Variants in GPR161 observed in about 807,000 individuals in gnomAD.
GPR161 encodes G-protein coupled receptor RE2.
GPR161 carries 25 observed loss-of-function variants against 39.2 expected under a neutral mutation model. The observed-to-expected ratio is 0.64, with a 90% CI of 0.47 to 0.89. GPR161 has a LOEUF of 0.89. Among genes scored for constraint, GPR161 ranks in the 40% least tolerant of loss-of-function variants. The probability of loss-of-function intolerance (pLI) is 0.00; values close to 1 mark genes in which losing one functional copy is unlikely to be tolerated. For missense variants in GPR161, 547 were observed against 677.8 expected (o/e 0.81, Z 2.14); for synonymous variants, 286 against 276.6 (o/e 1.03, Z -0.34).
chr1:168,133,263 T>G (rs12072672), intron 1 of GPR161, among the ~76,000 whole-genome samples: 11,863 of 148,980 alleles, frequency 0.08, 760 homozygotes, highest in African/African-American at 0.19. Flanking sequence ...AATAATTCAG[T>G]CTCTTTTTCT....
Position 168,090,593 on chromosome 1 carries a change from TC to T in GPR161, c.1174del (p.Asp392ThrfsTer14), listed in dbSNP as rs779928968. 56 of 1,608,726 alleles carry T rather than the reference TC, an allele frequency of 3.5e-5. No individual in the cohort carries two copies. Among genetic ancestry groups the T allele is most frequent in the Non-Finnish European group, 4.7e-5 (55 of 1,175,720 alleles). On this transcript the variant is annotated frameshift_variant, in exon 4 of 6. Transcript: ENST00000682931. LOFTEE classifies it high-confidence loss of function. ...QPLGHSSSTG[D>X]TGFSCSQDSG... is the part of the protein sequence containing the mutation. ...GTCCTGGGAGCAGCTGAAGCCAGTG[TC>T]CCCCGTGCTGCTGCTGTGCCCCAGG...
chr1:168,123,811 C>G (rs1209240168), intron 1 of GPR161, among the ~76,000 whole-genome samples: 1 of 152,188 alleles, frequency 6.6e-6, no homozygotes, highest in African/African-American at 2.4e-5. Flanking sequence ...TAAGGTGAAG[C>G]TGGGTCACAA....
chr1:168,092,859 G>C (rs887230706), intron 3 of GPR161, among the ~76,000 whole-genome samples: 5 of 152,176 alleles, frequency 3.3e-5, no homozygotes, highest in African/African-American at 1.2e-4. Context: ...GTCCTTCGCA[G>C]GAGATAACGG....
At chr1:168,137,096 C>T (rs1332403433), upstream of GPR161, 3 of 1,096,152 alleles carry the variant, frequency 2.7e-6, no homozygotes, top group Non-Finnish European at 3.3e-6. Flanking sequence ...TCCGCCCGCC[C>T]TCCCGGCTGC....
Position 168,136,157 on chromosome 1 carries a change from C to T in GPR161, c.-45+582G>A, listed in dbSNP as rs1699344656. 3.2e-6 allele frequency: 4 copies of T among 1,269,470 alleles called. No homozygotes were observed. In the South Asian group the frequency reaches 8.0e-5, roughly 25 times the overall value. 78.6% of individuals were successfully genotyped at this position (1,269,470 alleles called of 1,614,324 possible). On this transcript the variant is annotated intron_variant, in intron 1 of 5. Transcript: ENST00000682931. ...CCGCAGATCTGAGGGGCAGAGCCGC[C>T]CATCCGGCGGCGCCGGGCCACTTCT... is the stretch of plus-strand genomic sequence containing the variant.
rs115426920 is a variant in GPR161, at chr1:168,087,414, G to C, written c.1324+171C>G. On this transcript the variant is annotated intron_variant, in intron 5 of 5. Coordinates refer to ENST00000682931, the MANE Select transcript of GPR161 (RefSeq NM_001375883.1). Reference sequence around the variant, plus strand: ...TCGATGCTGCTTGCTCTGAGAACTGGGTGCCTAAGGACTCAGGTGAGACCA... The same window carrying C: ...TCGATGCTGCTTGCTCTGAGAACTGCGTGCCTAAGGACTCAGGTGAGACCA... Among the ~76,000 whole-genome samples, 243 of 152,162 alleles carry C rather than the reference G, an allele frequency of 1.6e-3. 1 individual carries two copies. The highest frequency in any genetic ancestry group is 5.6e-3 in the African/African-American group (233 of 41,500).
chr1:168,086,333 C>T (rs1572232838), intron 5 of GPR161, among the ~76,000 whole-genome samples: 1 of 152,198 alleles, frequency 6.6e-6, no homozygotes, highest in African/African-American at 2.4e-5. Context: ...GGATTAGGAG[C>T]CCTAAACTAA....
intron 1 of GPR161, among the ~76,000 whole-genome samples, chr1:168,114,860 T>G (rs1697495402): frequency 6.6e-6 from 1 of 152,200 alleles, no homozygotes; most frequent in Admixed American, 6.5e-5. Flanking sequence ...CTTTTTAAAT[T>G]TTTAGGCCAT....
chr1:168,135,950 C>A, intron 1 of GPR161: 1 of 877,636 alleles, frequency 1.1e-6, no homozygotes, highest in Non-Finnish European at 1.5e-6. Context: ...GATGCCAATG[C>A]GCAGCTATGT....
chr1:168,101,595 G>A (rs750379424), intron 2 of GPR161, among the ~76,000 whole-genome samples: 4 of 152,160 alleles, frequency 2.6e-5, no homozygotes, highest in African/African-American at 4.8e-5. Context: ...TCCCAGCCAC[G>A]TGACCTTGGG....
chr1:168,104,941 T>C (rs1696464182), intron 1 of GPR161, 47 bp from the exon 2 acceptor site: 2 of 1,430,500 alleles, frequency 1.4e-6, no homozygotes, highest in East Asian at 4.6e-5. Flanking sequence ...ATTCATCAAA[T>C]CACATCGTCT....
chr1:168,099,258 G>C (rs544309807), intron 2 of GPR161, among the ~76,000 whole-genome samples: 16 of 152,328 alleles, frequency 1.1e-4, no homozygotes, highest in African/African-American at 3.6e-4. Context: ...CGTCATTCTG[G>C]CAAATGAAAT....
Position 168,108,291 on chromosome 1 carries a change from C to A in GPR161, c.-44-3397G>T, listed in dbSNP as rs541127848. ...GGGATCTACCCCACAACAAAAACAC[C>A]TCCCACCAGGCCCCACCTCCAACAC... is the stretch of plus-strand genomic sequence containing the variant. On this transcript the variant is annotated intron_variant, in intron 1 of 5. Coordinates refer to ENST00000682931, the MANE Select transcript of GPR161 (RefSeq NM_001375883.1). Among the ~76,000 whole-genome samples, 10 of 151,916 alleles carry A rather than the reference C, an allele frequency of 6.6e-5. No individual in the cohort carries two copies. The South Asian group carries it at 2.1e-3, about 32-fold the overall frequency.
intron 1 of GPR161, among the ~76,000 whole-genome samples, chr1:168,118,121 C>A (rs181103541): frequency 6.9e-4 from 105 of 152,200 alleles, no homozygotes; most frequent in East Asian, 5.8e-4. Flanking sequence ...CAACAGAAAA[C>A]AAAATAGACA....
intron 1 of GPR161, chr1:168,136,327 G>A: frequency 6.7e-7 from 1 of 1,485,416 alleles, no homozygotes; most frequent in African/African-American, 1.4e-5. Context: ...AGCGGGACGT[G>A]GAGTCTCTTG....
chr1:168,134,255 A>T (rs1423868899), intron 1 of GPR161, among the ~76,000 whole-genome samples: 1 of 152,210 alleles, frequency 6.6e-6, no homozygotes, highest in Non-Finnish European at 1.5e-5. Flanking sequence ...GCCAACTGCA[A>T]ATTCCTTCCT....
intron 1 of GPR161, among the ~76,000 whole-genome samples, chr1:168,127,012 C>T (rs1698641224): frequency 1.3e-5 from 2 of 152,040 alleles, no homozygotes; most frequent in African/African-American, 4.8e-5. Flanking sequence ...CTCAATTTCT[C>T]CTAAGACAAA....
In GPR161 at chr1:168,085,014, C is replaced by T. The variant is rs1394907874; in HGVS notation, c.*517G>A. The T allele has an allele frequency of 2.2e-6, 1 of 456,348 alleles. No individual in the cohort carries two copies. The highest frequency in any genetic ancestry group is 4.4e-6 in the Non-Finnish European group (1 of 227,060). The allele number at this position is 456,348 out of a possible 1,614,324, so 28.3% of individuals were successfully genotyped here. ...CAGTCCTAGAACTGAGGGTCCCACA[C>T]TGCCCGCATCAACCATGTAGAGGCA... is the stretch of plus-strand genomic sequence containing the variant. On this transcript the variant is annotated 3_prime_UTR_variant, in exon 6 of 6. Transcript: ENST00000682931.
chr1:168,118,434 G>C (rs924095033), intron 1 of GPR161, among the ~76,000 whole-genome samples: 1 of 151,792 alleles, frequency 6.6e-6, no homozygotes, highest in African/African-American at 2.4e-5. Flanking sequence ...GGTGTAGAGT[G>C]GTAGACAATG....
Sources: gnomAD v4.1 joint callset for allele counts (sites outside exome capture counted in the v4.1 genomes callset) on GRCh38, gnomAD v4.1.1 for gene constraint, MANE v1.5 for transcripts, NCBI Gene and HGNC (gene_info 2026-07-23, HGNC 2026-07-21) for gene names.